Variants in VPS13B observed in about 807,000 individuals in gnomAD.
VPS13B encodes the protein intermembrane lipid transfer protein VPS13B.
A neutral mutation model predicts 426.4 loss-of-function variants in VPS13B; 285 were observed. The observed-to-expected ratio is 0.67, with a 90% confidence interval of 0.61 to 0.74. The LOEUF (loss-of-function observed/expected upper bound fraction) is 0.74. Among genes scored for constraint, VPS13B ranks in the 30% least tolerant of loss-of-function variants. VPS13B has a pLI of 0.00. For synonymous variants in VPS13B, 1,676 were observed against 1,676.4 expected (o/e 1.00, Z 0.01); for missense variants, 4,537 against 4,782.6 (o/e 0.95, Z 1.51).
At chr8:99,035,102 G>A (rs1278803707) in intron 2 of VPS13B, among the ~76,000 whole-genome samples, 2 of 152,132 alleles carry the variant, frequency 1.3e-5, no homozygotes, top group Non-Finnish European at 2.9e-5. Context: ...GCTGAGGTGG[G>A]AGAGCCCAGG....
intron 34 of VPS13B, among the ~76,000 whole-genome samples, chr8:99,647,294 G>T (rs1473633026): frequency 1.3e-5 from 2 of 152,044 alleles, no homozygotes; most frequent in East Asian, 3.9e-4. Flanking sequence ...GGCGTGATTG[G>T]CTCACTTCTG....
chr8:99,051,599 GAATCTATA>G (rs1843556436), intron 3 of VPS13B, among the ~76,000 whole-genome samples: 1 of 152,174 alleles, frequency 6.6e-6, no homozygotes, highest in South Asian at 2.1e-4. Flanking sequence ...GAATGGCATT[GAATCTATA>G]AATTACCTTG....
At chr8:99,567,695 T>C (rs1432873210) in intron 31 of VPS13B, among the ~76,000 whole-genome samples, 2 of 152,192 alleles carry the variant, frequency 1.3e-5, no homozygotes, top group African/African-American at 2.4e-5. Context: ...CTATTGAGTA[T>C]TTCCACACCT....
intron 31 of VPS13B, among the ~76,000 whole-genome samples, chr8:99,560,963 C>A (rs747189326): frequency 7.9e-5 from 12 of 152,074 alleles, no homozygotes; most frequent in Non-Finnish European, 1.8e-4. Context: ...TGTATCTCTC[C>A]TATTTGTTCT....
chr8:99,428,742 A>T (rs190570458), intron 21 of VPS13B, among the ~76,000 whole-genome samples: 55 of 152,312 alleles, frequency 3.6e-4, no homozygotes, highest in Non-Finnish European at 7.1e-4. Flanking sequence ...AGGGATCAAG[A>T]ACTAGAAATA....
rs189779463 is a variant in VPS13B, at chr8:99,439,005, C to T, written c.3211-3396C>T. Among the ~76,000 whole-genome samples the T allele has an allele frequency of 1.4e-3, 211 of 152,140 alleles. 1 individual carries two copies. The highest frequency in any genetic ancestry group is 2.0e-3 in the Non-Finnish European group (139 of 67,968). ...CACTTACTGTGTTAAATATATATATCAATGCTATAATTTCCCCCATTAACA... is the reference window on the plus strand; with the variant it reads ...CACTTACTGTGTTAAATATATATATTAATGCTATAATTTCCCCCATTAACA... On this transcript the variant is annotated intron_variant, in intron 22 of 61. Transcript: ENST00000357162.
At chr8:99,166,274 C>T (rs1278084766) in intron 15 of VPS13B, among the ~76,000 whole-genome samples, 2 of 152,194 alleles carry the variant, frequency 1.3e-5, no homozygotes, top group African/African-American at 2.4e-5. Context: ...CATGAGCCAC[C>T]GTGCCTGGCC....
chr8:99,385,625 G>A (rs983437180), intron 20 of VPS13B, among the ~76,000 whole-genome samples: 7 of 152,106 alleles, frequency 4.6e-5, no homozygotes, highest in Non-Finnish European at 8.8e-5. Context: ...CTCCCTCTGA[G>A]AGTATTTAGT....
At chr8:99,132,943 C>T (rs1809880317) in intron 8 of VPS13B, among the ~76,000 whole-genome samples, 1 of 152,034 alleles carries the variant, frequency 6.6e-6, no homozygotes, top group East Asian at 1.9e-4. Context: ...TAGCATGATT[C>T]TTAAGGGCCC....
chr8:99,031,912 C>T (rs1015986071), intron 2 of VPS13B, among the ~76,000 whole-genome samples: 3 of 152,258 alleles, frequency 2.0e-5, no homozygotes, highest in Non-Finnish European at 1.5e-5. Flanking sequence ...TATAGTACTG[C>T]AGCAACTTGG....
At chr8:99,273,173 T>C (rs2132990259) in intron 17 of VPS13B, among the ~76,000 whole-genome samples, 1 of 150,820 alleles carries the variant, frequency 6.6e-6, no homozygotes, top group East Asian at 1.9e-4. Flanking sequence ...TTTTTTTTTT[T>C]TTTTGAGATG....
At chr8:99,035,633 T>C (rs1012670750) in intron 2 of VPS13B, among the ~76,000 whole-genome samples, 2 of 152,160 alleles carry the variant, frequency 1.3e-5, no homozygotes, top group Admixed American at 1.3e-4. Flanking sequence ...GCTTTGAACA[T>C]GGGTGTGTGA....
intron 19 of VPS13B, among the ~76,000 whole-genome samples, chr8:99,369,617 C>T (rs1563692126): frequency 6.6e-6 from 1 of 152,112 alleles, no homozygotes; most frequent in Non-Finnish European, 1.5e-5. Flanking sequence ...GTATCATCTA[C>T]TTTGACACAG....
intron 35 of VPS13B, among the ~76,000 whole-genome samples, chr8:99,665,834 AG>A (rs1257578793): frequency 6.6e-6 from 1 of 152,126 alleles, no homozygotes; most frequent in Non-Finnish European, 1.5e-5. Flanking sequence ...ACTTTAAAGT[AG>A]TTTTTTCCAA....
intron 34 of VPS13B, among the ~76,000 whole-genome samples, chr8:99,659,713 A>G (rs180715276): frequency 6.6e-6 from 1 of 152,286 alleles, no homozygotes; most frequent in East Asian, 1.9e-4. Context: ...TATACATCAT[A>G]TTAACATTTC....
rs1811231740 is a variant in VPS13B at position 99,766,464 on chromosome 8, T to C, written c.7051-310T>C. 2.0e-5 allele frequency among the ~76,000 whole-genome samples: 3 copies of C among 152,226 alleles called. No homozygotes were observed. In the South Asian group the frequency reaches 6.2e-4, roughly 31 times the overall value. ...TTATTCTTTTAATCTATTTGTATGT[T>C]ACTACACTAGCCTTATCTTTTACTT... On this transcript the variant is annotated intron_variant, in intron 39 of 61. Coordinates refer to ENST00000357162, the MANE Select transcript of VPS13B (RefSeq NM_152564.5).
In VPS13B at chr8:99,167,777, A is replaced by G. The variant is rs537504236; in HGVS notation, c.2209-2262A>G. Among the ~76,000 whole-genome samples, 9 of 152,208 alleles carry G rather than the reference A, an allele frequency of 5.9e-5. No homozygotes were observed. The South Asian group carries it at 1.2e-3, about 21-fold the overall frequency. On this transcript the variant is annotated intron_variant, in intron 15 of 61. Transcript: ENST00000357162. ...AACTTTTTATTTAATGAGATGTGTA[A>G]GTTCTCTTATTCAACTTTACAGTTT... is the stretch of plus-strand genomic sequence containing the variant.
chr8:99,859,116 T>C (rs1167802175), intron 56 of VPS13B, among the ~76,000 whole-genome samples, 188 bp from the exon 57 acceptor site: 1 of 152,224 alleles, frequency 6.6e-6, no homozygotes, highest in East Asian at 1.9e-4. Flanking sequence ...ATTTATAAAG[T>C]ATGAAAGTTT....
chr8:99,297,725 C>T (rs1157092103), intron 19 of VPS13B, among the ~76,000 whole-genome samples: 1 of 152,120 alleles, frequency 6.6e-6, no homozygotes, highest in East Asian at 1.9e-4. Context: ...TTCTATGCAA[C>T]GTTAGATAAA....
Sources: gnomAD v4.1 joint callset for allele counts (sites outside exome capture counted in the v4.1 genomes callset) on GRCh38, gnomAD v4.1.1 for gene constraint, MANE v1.5 for transcripts, NCBI Gene and HGNC (gene_info 2026-07-23, HGNC 2026-07-21) for gene names.